Variants in SLIT3 observed in about 807,000 individuals in gnomAD.
The protein encoded by SLIT3 is slit homolog 3 protein.
Under a neutral mutation model 184.0 loss-of-function variants are expected in SLIT3, and 68 were observed. The observed-to-expected ratio is 0.37, with a 90% CI of 0.30 to 0.45. The LOEUF (loss-of-function observed/expected upper bound fraction) is 0.45. SLIT3 is among the 20% of genes least tolerant of loss of function. The pLI, the probability that SLIT3 is intolerant of heterozygous loss-of-function variation, is 1.00. For missense variants in SLIT3, 1,707 were observed against 2,026.0 expected (o/e 0.84, Z 3.02); for synonymous variants, 831 against 828.6 (o/e 1.00, Z -0.05).
intron 7 of SLIT3, among the ~76,000 whole-genome samples, chr5:168,820,346 C>CCTGAGT (rs1184480977): frequency 6.6e-6 from 1 of 152,118 alleles, no homozygotes; most frequent in Non-Finnish European, 1.5e-5. Context: ...TGGCAAACTG[C>CCTGAGT]CTGAGTCTGA....
intron 35 of SLIT3, among the ~76,000 whole-genome samples, chr5:168,668,600 C>T (rs539865978): frequency 5.3e-5 from 8 of 152,190 alleles, no homozygotes; most frequent in Non-Finnish European, 1.0e-4. Context: ...GCACTTTTGT[C>T]TTTTCTTGGA....
At chr5:169,011,077 C>T (rs572365507) in intron 4 of SLIT3, among the ~76,000 whole-genome samples, 2 of 152,220 alleles carry the variant, frequency 1.3e-5, no homozygotes, top group African/African-American at 2.4e-5. Context: ...CCACTGAAGA[C>T]TCTAAGTCTA....
rs770339004 is a variant in SLIT3, at chr5:168,823,245, A to G, written c.629+15T>C. ...TAGGGAGAAAATGGGAGAGATGCAC[A>G]GACTTCTTACTCACAGAGTTCGGAT... On this transcript the variant is annotated intron_variant, in intron 7 of 35. Coordinates refer to ENST00000519560, the MANE Select transcript of SLIT3 (RefSeq NM_003062.4). The G allele has an allele frequency of 6.2e-7, 1 of 1,608,746 alleles. No homozygotes were observed. Among genetic ancestry groups the G allele is most frequent in the South Asian group, 1.1e-5 (1 of 90,972 alleles).
chr5:168,754,657 T>C (rs1408025064), intron 16 of SLIT3, among the ~76,000 whole-genome samples: 1 of 152,178 alleles, frequency 6.6e-6, no homozygotes, highest in Non-Finnish European at 1.5e-5. Context: ...AAATGATAGA[T>C]GTTAGAAGTG....
chr5:168,823,161 C>T, intron 7 of SLIT3, 99 bp downstream of exon 7: 1 of 946,974 alleles, frequency 1.1e-6, no homozygotes, highest in Non-Finnish European at 1.7e-6. Context: ...AACCATCTGC[C>T]TAGTCATAGC....
At chr5:168,999,429 AC>A (rs1273656366) in intron 4 of SLIT3, among the ~76,000 whole-genome samples, 5 of 141,840 alleles carry the variant, frequency 3.5e-5, no homozygotes, top group Admixed American at 2.1e-4. Flanking sequence ...ATCAAATAAA[AC>A]AGCACAGCTA....
At chr5:169,095,455 C>G (rs1759741985) in intron 4 of SLIT3, among the ~76,000 whole-genome samples, 1 of 152,178 alleles carries the variant, frequency 6.6e-6, no homozygotes, top group Non-Finnish European at 1.5e-5. Context: ...GTCCCTAGGA[C>G]ATACTCTGAA....
intron 4 of SLIT3, among the ~76,000 whole-genome samples, chr5:168,969,901 G>C (rs1194956576): frequency 6.6e-6 from 1 of 152,246 alleles, no homozygotes; most frequent in East Asian, 1.9e-4. Flanking sequence ...CAAAGACAAG[G>C]CTGGGCGCAG....
chr5:169,081,345 G>A (rs1387570999), intron 4 of SLIT3, among the ~76,000 whole-genome samples: 2 of 152,150 alleles, frequency 1.3e-5, no homozygotes, highest in African/African-American at 4.8e-5. Context: ...CTGGGCCTCT[G>A]CCTCCCAGCC....
At chr5:168,773,644 T>C (rs1201453712) in intron 13 of SLIT3, among the ~76,000 whole-genome samples, 1 of 152,054 alleles carries the variant, frequency 6.6e-6, no homozygotes, top group African/African-American at 2.4e-5. Context: ...ACTGGAGCCA[T>C]CAAAAAATGG....
intron 32 of SLIT3, among the ~76,000 whole-genome samples, chr5:168,680,076 C>T (rs1279154480): frequency 6.6e-6 from 1 of 152,220 alleles, no homozygotes; most frequent in Non-Finnish European, 1.5e-5. Context: ...ATCTATATTC[C>T]CACATGGCAG....
intron 4 of SLIT3, among the ~76,000 whole-genome samples, chr5:168,917,229 T>C (rs902409468): frequency 6.6e-6 from 1 of 152,080 alleles, no homozygotes; most frequent in African/African-American, 2.4e-5. Context: ...CAAGTGGAGG[T>C]GAGCTTTGGT....
chr5:169,240,808 T>C (rs1765379317), intron 3 of SLIT3, among the ~76,000 whole-genome samples: 1 of 151,486 alleles, frequency 6.6e-6, no homozygotes, highest in African/African-American at 2.4e-5. Context: ...TTCCCTTTTA[T>C]CCTTCATTTT....
chr5:168,729,497 C>G (rs1194105445), intron 20 of SLIT3, among the ~76,000 whole-genome samples: 1 of 150,954 alleles, frequency 6.6e-6, no homozygotes, highest in Non-Finnish European at 1.5e-5. Flanking sequence ...TTTCAAAGTG[C>G]TGAAAGAAAA....
At chr5:169,156,903 T>G (rs531830124) in intron 4 of SLIT3, among the ~76,000 whole-genome samples, 1 of 152,308 alleles carries the variant, frequency 6.6e-6, no homozygotes, top group East Asian at 1.9e-4. Flanking sequence ...ACCTCAGGAA[T>G]GACACAGATG....
chr5:168,769,617 C>A (rs1755473589), intron 14 of SLIT3, among the ~76,000 whole-genome samples: 1 of 152,154 alleles, frequency 6.6e-6, no homozygotes, highest in South Asian at 2.1e-4. Flanking sequence ...CTATGCAGGG[C>A]TCTGTGAACA....
Position 169,219,315 on chromosome 5 carries a change from A to G in SLIT3, c.341+25390T>C, listed in dbSNP as rs937698029. Among the ~76,000 whole-genome samples, 7 of 152,262 alleles carry G rather than the reference A, an allele frequency of 4.6e-5. No individual in the cohort carries two copies. The East Asian group carries it at 7.7e-4, about 17-fold the overall frequency. On this transcript the variant is annotated intron_variant, in intron 3 of 35. Coordinates refer to ENST00000519560, the MANE Select transcript of SLIT3 (RefSeq NM_003062.4). ...TCCTCGAATGCATTCTGCCAGTGCT[A>G]TAAGTACATTGTAGGTTTTAATTAA...
chr5:168,955,461 C>T (rs1165093567), intron 4 of SLIT3, among the ~76,000 whole-genome samples: 1 of 152,172 alleles, frequency 6.6e-6, no homozygotes, highest in African/African-American at 2.4e-5. Flanking sequence ...CCAACAGGCT[C>T]AGCCTGTTCA....
chr5:169,189,527 GATATATATATATATATAT>G (rs4042723), intron 4 of SLIT3, among the ~76,000 whole-genome samples: 6,589 of 80,116 alleles, frequency 0.082, 361 homozygotes, highest in Non-Finnish European at 0.11. Context: ...AGATAGATGG[GATATATATATATATATAT>G]ATATATATAT....
Sources: allele counts gnomAD v4.1 joint callset (sites outside exome capture counted in the v4.1 genomes callset), GRCh38; gene constraint gnomAD v4.1.1; transcripts MANE v1.5; gene names NCBI Gene and HGNC (gene_info 2026-07-23, HGNC 2026-07-21).